The following CFAP210 variants were observed in gnomAD, a reference collection of about 807,000 sequenced individuals.
CFAP210 encodes the protein cilia- and flagella- associated protein 210.
the CFAP210 span, among the ~76,000 whole-genome samples, chr2:169,691,352 T>C: frequency 5.9e-5 from 9 of 152,368 alleles, no homozygotes; most frequent in African/African-American, 2.2e-4. Flanking sequence ...ACTTTTGTTT[T>C]AGTTCTTTAA....
chr2:169,674,889 G>T, the CFAP210 span: 1 of 1,518,074 alleles, frequency 6.6e-7, no homozygotes, highest in African/African-American at 1.4e-5. Flanking sequence ...CACTCTTTCT[G>T]TCTGGTAAAA....
At chr2:169,651,849 A>G in the CFAP210 span, among the ~76,000 whole-genome samples, 1 of 148,996 alleles carries the variant, frequency 6.7e-6, no homozygotes, top group Non-Finnish European at 1.5e-5. Context: ...ATCTGTTTAA[A>G]TTTCTCCCTT....
chr2:169,687,211 T>C, the CFAP210 span, among the ~76,000 whole-genome samples: 4 of 152,128 alleles, frequency 2.6e-5, no homozygotes, highest in Non-Finnish European at 4.4e-5. Context: ...AGCCAAACCA[T>C]ATCATTCTGC....
At chr2:169,689,956 T>G in the CFAP210 span, among the ~76,000 whole-genome samples, 1 of 152,190 alleles carries the variant, frequency 6.6e-6, no homozygotes, top group Non-Finnish European at 1.5e-5. Flanking sequence ...TATAATAATT[T>G]TTTATATGTT....
chr2:169,694,344 G>T, the CFAP210 span: 10 of 1,613,264 alleles, frequency 6.2e-6, no homozygotes, highest in Non-Finnish European at 8.5e-6. Flanking sequence ...CCTAGATCTG[G>T]AAAAGTGACT....
the CFAP210 span, among the ~76,000 whole-genome samples, chr2:169,653,064 A>ATATATATG: frequency 2.1e-5 from 2 of 96,240 alleles, no homozygotes; most frequent in Non-Finnish European, 4.1e-5. Context: ...ATATATATAT[A>ATATATATG]TATGTATGTG....
At chr2:169,671,952 G>C in the CFAP210 span, among the ~76,000 whole-genome samples, 1 of 152,282 alleles carries the variant, frequency 6.6e-6, no homozygotes, top group East Asian at 1.9e-4. Flanking sequence ...TCAAGAAAAG[G>C]GAAAGTAACT....
the CFAP210 span, among the ~76,000 whole-genome samples, chr2:169,661,580 G>A: frequency 6.6e-6 from 1 of 152,136 alleles, no homozygotes; most frequent in African/African-American, 2.4e-5. Context: ...TACCATTTGT[G>A]GAGCACATAT....
the CFAP210 span, among the ~76,000 whole-genome samples, chr2:169,684,524 T>C: frequency 2.8e-4 from 43 of 152,350 alleles, no homozygotes; most frequent in East Asian, 3.1e-3. Flanking sequence ...GATTTGCCCA[T>C]TGGAGACATT....
the CFAP210 span, among the ~76,000 whole-genome samples, chr2:169,671,761 G>A: frequency 6.7e-4 from 102 of 152,288 alleles, no homozygotes; most frequent in Non-Finnish European, 1.4e-3. Context: ...GTGAGCCACC[G>A]CGCCCAGCCG....
chr2:169,681,913 C>G, the CFAP210 span, among the ~76,000 whole-genome samples: 2 of 152,154 alleles, frequency 1.3e-5, no homozygotes, highest in East Asian at 1.9e-4. Flanking sequence ...ACAAGATAAA[C>G]CAGCCTTGAA....
At chr2:169,665,206 G>A in the CFAP210 span, among the ~76,000 whole-genome samples, 1 of 152,038 alleles carries the variant, frequency 6.6e-6, no homozygotes, top group Admixed American at 6.5e-5. Flanking sequence ...GTGAGGGTGA[G>A]GCCTAAAAAA....
At chr2:169,681,148 T>G in the CFAP210 span, 4 of 1,613,954 alleles carry the variant, frequency 2.5e-6, no homozygotes, top group East Asian at 8.9e-5. Context: ...ACTCATCGTG[T>G]GGAATTATGG....
chr2:169,655,676 T>C, the CFAP210 span, among the ~76,000 whole-genome samples: 1 of 152,226 alleles, frequency 6.6e-6, no homozygotes, highest in Admixed American at 6.5e-5. Flanking sequence ...CAAGGTCATA[T>C]AGCCAGTAAA....
chr2:169,689,038 T>C, the CFAP210 span, among the ~76,000 whole-genome samples: 2 of 152,136 alleles, frequency 1.3e-5, no homozygotes, highest in African/African-American at 2.4e-5. Flanking sequence ...ACTTCTTACA[T>C]GGTGGTGGCA....
the CFAP210 span, among the ~76,000 whole-genome samples, chr2:169,692,209 G>A: frequency 6.6e-6 from 1 of 151,864 alleles, no homozygotes; most frequent in Non-Finnish European, 1.5e-5. Flanking sequence ...TAAGATTTTC[G>A]GTCAGCTTGT....
chr2:169,680,783 T>C, the CFAP210 span, among the ~76,000 whole-genome samples: 1 of 152,220 alleles, frequency 6.6e-6, no homozygotes, highest in African/African-American at 2.4e-5. Context: ...ATAGTAATGA[T>C]GGTTTTGGGG....
the CFAP210 span, among the ~76,000 whole-genome samples, chr2:169,656,498 GGGAGGAGGA>G: frequency 2.5e-4 from 37 of 149,988 alleles, no homozygotes; most frequent in African/African-American, 6.4e-4. Context: ...AAGGAGGTGC[GGGAGGAGGA>G]GGAGGAGGAG....
At chr2:169,662,407 C>T in the CFAP210 span, 2 of 1,598,402 alleles carry the variant, frequency 1.3e-6, no homozygotes, top group Admixed American at 1.8e-5. Context: ...TTTTTTCCTT[C>T]TTTCCTCTTC....
Sources: gnomAD v4.1 joint callset for allele counts (sites outside exome capture counted in the v4.1 genomes callset) on GRCh38, gnomAD v4.1.1 for gene constraint, MANE v1.5 for transcripts, NCBI Gene and HGNC (gene_info 2026-07-23, HGNC 2026-07-21) for gene names.